The following ATG16L1 variants were observed in gnomAD, a reference collection of about 807,000 sequenced individuals.
ATG16L1 encodes autophagy related 16 like 1.
In ATG16L1, 37 loss-of-function variants were observed where a neutral mutation model predicts 88.5. That is an observed-to-expected ratio of 0.42 (90% CI 0.32 to 0.55). ATG16L1 has a LOEUF of 0.55. ATG16L1 is among the 20% of genes least tolerant of loss of function. The pLI, the probability that ATG16L1 is intolerant of heterozygous loss-of-function variation, is 0.13. For synonymous variants in ATG16L1, 301 were observed against 281.0 expected, an observed-to-expected ratio of 1.07 and a Z score of -0.71; for missense variants, 554 against 752.8, an observed-to-expected ratio of 0.74 and a Z score of 3.09.
chr2:233,280,617 C>A (rs2125268904), intron 10 of ATG16L1, among the ~76,000 whole-genome samples: 1 of 152,314 alleles, frequency 6.6e-6, no homozygotes, highest in African/African-American at 2.4e-5. Flanking sequence ...AACACAATTT[C>A]TTTTCACACC....
intron 10 of ATG16L1, among the ~76,000 whole-genome samples, chr2:233,279,284 C>T (rs376390808): frequency 1.8e-4 from 28 of 152,154 alleles, no homozygotes; most frequent in South Asian, 2.1e-4. Context: ...GAAATATTTT[C>T]GTTTTACTCC....
At position 233,289,841 on chromosome 2, in the gene ATG16L1, T is replaced by C. The variant is rs778771250; in HGVS notation, c.1204-13T>C. On this transcript the variant is annotated splice_polypyrimidine_tract_variant and intron_variant, in intron 12 of 17. Transcript: ENST00000392017. ...CGCCCTGAGGCTCACCCTGGCTGTG[T>C]TCTCTCTCCTAGCACACACTCACGG... is the stretch of plus-strand genomic sequence containing the variant. The C allele has an allele frequency of 2.5e-5, 40 of 1,611,254 alleles. No individual in the cohort carries two copies. The East Asian group carries it at 8.3e-4, about 33-fold the overall frequency.
At chr2:233,278,746 G>GT (rs1373776394) in intron 10 of ATG16L1, among the ~76,000 whole-genome samples, 1 of 152,064 alleles carries the variant, frequency 6.6e-6, no homozygotes, top group Non-Finnish European at 1.5e-5. Context: ...ATTAGAATAG[G>GT]TTATTAGTAA....
At chr2:233,253,340 G>GTTTTTTTTTTTTTTTTTTTTATTTT (rs1696533707) in intron 1 of ATG16L1, among the ~76,000 whole-genome samples, 1 of 108,660 alleles carries the variant, frequency 9.2e-6, no homozygotes, top group African/African-American at 3.6e-5. Flanking sequence ...GGGTTTTTTT[G>GTTTTTTTTTTTTTTTTTTTTATTTT]TTTTTTTTTT....
At chr2:233,256,400 C>T (rs914739938) in intron 2 of ATG16L1, among the ~76,000 whole-genome samples, 4 of 152,214 alleles carry the variant, frequency 2.6e-5, no homozygotes, top group African/African-American at 4.8e-5. Context: ...ATTATCAGTA[C>T]AGTGCTCTGA....
rs1699746084 is a variant in ATG16L1, at chr2:233,295,642, T to G, written c.*1292T>G. The G allele has an allele frequency of 6.5e-6, 1 of 152,764 alleles. No individual in the cohort carries two copies. The highest frequency in any genetic ancestry group is 1.5e-5 in the Non-Finnish European group (1 of 68,026). 9.5% of individuals were successfully genotyped at this position (152,764 alleles called of 1,614,324 possible). ...AACAGAACTTGATTGTAAATAATAA[T>G]AAAGAAATCTGTTATATACTTTTCA... is the stretch of plus-strand genomic sequence containing the variant. On this transcript the variant is annotated 3_prime_UTR_variant, in exon 18 of 18. Transcript: ENST00000392017.
At chr2:233,267,327 C>T (rs560968626) in intron 5 of ATG16L1, among the ~76,000 whole-genome samples, 3 of 152,308 alleles carry the variant, frequency 2.0e-5, no homozygotes, top group Admixed American at 2.0e-4. Context: ...CTAGCCTGGG[C>T]AGCAGAGCAA....
chr2:233,271,738 A>G (rs937582149), intron 6 of ATG16L1, among the ~76,000 whole-genome samples: 1 of 152,262 alleles, frequency 6.6e-6, no homozygotes, highest in Admixed American at 6.5e-5. Flanking sequence ...TCTATTTTCA[A>G]CAGGACATTG....
rs1179291397 is a variant in ATG16L1, at chr2:233,290,338, G to A, written c.1415G>A (p.Arg472His). ...VMSGHFDKKI[R>H]FWDIRSESIV... is the part of the protein sequence containing the mutation. ...AGTGGACATTTTGACAAGAAAATTC[G>A]TTTCTGGGACATTCGGTATGATACC... Residue 472 changes from arginine (R) to histidine (H), a missense_variant, in exon 14 of 18, where the codon CGT becomes CAT. Physicochemically the swap from Arg to His is conservative, Grantham distance 29. Coordinates refer to ENST00000392017, the MANE Select transcript of ATG16L1 (RefSeq NM_030803.7). 1.9e-6 allele frequency: 3 copies of A among 1,613,944 alleles called. No homozygotes were observed. Among genetic ancestry groups the A allele is most frequent in the African/African-American group, 1.3e-5 (1 of 74,910 alleles).
chr2:233,270,416 G>C (rs1270291264), intron 6 of ATG16L1, among the ~76,000 whole-genome samples: 2 of 152,106 alleles, frequency 1.3e-5, no homozygotes, highest in African/African-American at 4.8e-5. Context: ...ACTTACTTGA[G>C]ATAGATTATT....
chr2:233,280,105 G>A (rs140688931), intron 10 of ATG16L1, among the ~76,000 whole-genome samples: 10 of 152,296 alleles, frequency 6.6e-5, no homozygotes, highest in Non-Finnish European at 1.3e-4. Flanking sequence ...CATCAACCAG[G>A]TTAACAGTCT....
chr2:233,263,354 A>G (rs1697347962), intron 3 of ATG16L1, 119 bp downstream of exon 3: 13 of 827,484 alleles, frequency 1.6e-5, no homozygotes, highest in South Asian at 8.2e-5. Flanking sequence ...TGTGGCATCA[A>G]AAGTCCCCTC....
intron 1 of ATG16L1, among the ~76,000 whole-genome samples, chr2:233,252,510 G>A (rs888590548): frequency 1.3e-5 from 2 of 152,054 alleles, no homozygotes; most frequent in Non-Finnish European, 2.9e-5. Context: ...AGCCTCCCGA[G>A]TAGCTGGGAT....
At chr2:233,269,979 T>A (rs778574117) in intron 5 of ATG16L1, 23 bp from the exon 6 acceptor site, 3 of 121,920 alleles carry the variant, frequency 2.5e-5, no homozygotes, top group Non-Finnish European at 4.5e-5. Context: ...AATGGTGGGC[T>A]TTTTTTTTTT....
chr2:233,272,930 C>A, intron 6 of ATG16L1, 36 bp from the exon 7 acceptor site: 5 of 1,567,106 alleles, frequency 3.2e-6, no homozygotes, highest in South Asian at 1.1e-5. Context: ...CAGAACTGTT[C>A]AGGAGAATCA....
At chr2:233,290,921 GT>G (rs1355087052) in intron 14 of ATG16L1, among the ~76,000 whole-genome samples, 2 of 152,210 alleles carry the variant, frequency 1.3e-5, no homozygotes, top group Non-Finnish European at 2.9e-5. Context: ...AAGTCGTTGG[GT>G]GTTTAGCAAG....
intron 12 of ATG16L1, among the ~76,000 whole-genome samples, chr2:233,283,565 T>C (rs1285387654): frequency 5.3e-5 from 8 of 152,068 alleles, no homozygotes; most frequent in African/African-American, 9.7e-5. Flanking sequence ...TTTTCTTTTT[T>C]TTTTTCTTTT....
At chr2:233,280,656 A>C (rs1698662803) in intron 10 of ATG16L1, among the ~76,000 whole-genome samples, 2 of 152,236 alleles carry the variant, frequency 1.3e-5, no homozygotes, top group Non-Finnish European at 2.9e-5. Flanking sequence ...CCATGGGTCC[A>C]GAAATTGACT....
intron 16 of ATG16L1, among the ~76,000 whole-genome samples, chr2:233,292,963 G>A (rs1699564224): frequency 6.6e-6 from 1 of 152,188 alleles, no homozygotes; most frequent in African/African-American, 2.4e-5. Context: ...TTAGCTATGT[G>A]GAGGTTGGCT....
Sources: gnomAD v4.1 joint callset for allele counts (sites outside exome capture counted in the v4.1 genomes callset) on GRCh38, gnomAD v4.1.1 for gene constraint, MANE v1.5 for transcripts, NCBI Gene and HGNC (gene_info 2026-07-23, HGNC 2026-07-21) for gene names.